Variants in ADNP observed in about 807,000 individuals in gnomAD.
ADNP encodes the protein activity dependent neuroprotector homeobox.
A neutral mutation model predicts 84.9 loss-of-function variants in ADNP; 4 were observed. That is an observed-to-expected ratio of 0.05 (90% CI 0.02 to 0.11). The LOEUF (loss-of-function observed/expected upper bound fraction) is 0.11. Among genes scored for constraint, ADNP ranks in the 10% least tolerant of loss-of-function variants. The pLI is 1.00. For missense variants in ADNP, 1,132 were observed against 1,326.0 expected (o/e 0.85, Z 2.27); for synonymous variants, 554 against 468.1 (o/e 1.18, Z -2.37).
chr20:50,900,650 T>G (rs1050589530), intron 5 of ADNP, among the ~76,000 whole-genome samples: 4 of 152,240 alleles, frequency 2.6e-5, no homozygotes, highest in African/African-American at 9.6e-5. Flanking sequence ...CGTTATGTGG[T>G]GAATGACTGC....
intron 5 of ADNP, among the ~76,000 whole-genome samples, chr20:50,900,720 A>G (rs567527421): frequency 5.9e-5 from 9 of 152,180 alleles, no homozygotes; most frequent in South Asian, 4.1e-4. Flanking sequence ...AGATAAAGCT[A>G]TATCTTTTAT....
At chr20:50,903,597 C>T (rs1285602563) in intron 4 of ADNP, among the ~76,000 whole-genome samples, 5 of 152,172 alleles carry the variant, frequency 3.3e-5, no homozygotes, top group African/African-American at 1.2e-4. Flanking sequence ...CACTGCCTCC[C>T]GCCTCCATGG....
intron 5 of ADNP, among the ~76,000 whole-genome samples, chr20:50,897,685 T>A (rs1981550167): frequency 6.6e-6 from 1 of 152,184 alleles, no homozygotes; most frequent in Non-Finnish European, 1.5e-5. Context: ...ACAAAGGCCT[T>A]TCTCAGATAG....
intron 2 of ADNP, among the ~76,000 whole-genome samples, chr20:50,906,709 C>A (rs1218057627): frequency 2.6e-5 from 4 of 152,280 alleles, no homozygotes; most frequent in Non-Finnish European, 5.9e-5. Flanking sequence ...CATCTCACTG[C>A]CTGGTAGGTA....
rs1224775055 is a variant in ADNP at position 50,890,115 on chromosome 20, GTGTT to G, written c.*1286_*1289del. The G allele has an allele frequency of 3.3e-4, 61 of 182,276 alleles. No homozygotes were observed. The highest frequency in any genetic ancestry group is 8.9e-4 in the African/African-American group (33 of 37,016). 11.3% of individuals were successfully genotyped at this position (182,276 alleles called of 1,614,324 possible). A position where few individuals can be genotyped will look rare whatever the true frequency, so the allele number is the denominator to read the frequency against. On this transcript the variant is annotated 3_prime_UTR_variant, in exon 6 of 6. Transcript: ENST00000621696. ...AAAAGGTGAACTGAAAAACTCAAGG[GTGTT>G]TGTTTTTCAGTTAAAAAAAAAAAAA...
At chr20:50,926,757 T>C (rs1231520989) in intron 2 of ADNP, among the ~76,000 whole-genome samples, 1 of 152,202 alleles carries the variant, frequency 6.6e-6, no homozygotes, top group East Asian at 1.9e-4. Context: ...ATTTATGCAG[T>C]TTTGTTACTT....
chr20:50,913,553 A>G (rs1436007435), intron 2 of ADNP, among the ~76,000 whole-genome samples: 1 of 152,216 alleles, frequency 6.6e-6, no homozygotes, highest in Admixed American at 6.5e-5. Context: ...GCAATTTTCT[A>G]AGAGGGACAA....
In ADNP at chr20:50,899,299, C is replaced by T. The variant is rs527846981; in HGVS notation, c.201+2718G>A. ...GCAACCTCCACCTCCCAGGTTCAAGCGATTCTCCTGCCTTCCCCGCTCCCA... is the reference window on the plus strand; with the variant it reads ...GCAACCTCCACCTCCCAGGTTCAAGTGATTCTCCTGCCTTCCCCGCTCCCA... On this transcript the variant is annotated intron_variant, in intron 5 of 5. Coordinates refer to ENST00000621696, the MANE Select transcript of ADNP (RefSeq NM_001282531.3). Among the ~76,000 whole-genome samples, 5 of 151,710 alleles carry T rather than the reference C, an allele frequency of 3.3e-5. No individual in the cohort carries two copies. The East Asian group carries it at 5.8e-4, about 18-fold the overall frequency.
chr20:50,893,610 C>G lies in ADNP; in HGVS notation c.1104G>C (p.Gln368His). 1 of 1,614,168 alleles carries G rather than the reference C, an allele frequency of 6.2e-7. No homozygotes were observed. The highest frequency in any genetic ancestry group is 8.5e-7 in the Non-Finnish European group (1 of 1,180,044). Residue 368 changes from glutamine to histidine, a missense_variant, in exon 6 of 6, where the codon CAG becomes CAC. Gln to His is a conservative substitution (Grantham distance 24, BLOSUM62 0). Around this residue, in one of 10 missense-constraint regions of ADNP, gnomAD observed 239 missense variants for 213.2 expected, o/e 1.12. Transcript: ENST00000621696. This position sits in a 1 kb window ranked among gnomAD's most constrained non-coding sequence, Gnocchi z 4.4. The stretch of plus-strand genomic sequence containing the variant: ...ACCTTCCGTTTCCACTTGGAAGTAA[C>G]TGCTTTACAGACTGAGATTGTTGAG... ...SIPQQSQSVKQLLPSGNGRSY... is the reference protein window; with the variant it reads ...SIPQQSQSVKHLLPSGNGRSY...
At chr20:50,906,668 T>G (rs962034976) in intron 2 of ADNP, among the ~76,000 whole-genome samples, 1 of 152,220 alleles carries the variant, frequency 6.6e-6, no homozygotes, top group Non-Finnish European at 1.5e-5. Flanking sequence ...ACCCACAGCT[T>G]AAAAAGTCGG....
intron 2 of ADNP, among the ~76,000 whole-genome samples, chr20:50,925,263 T>TACAC (rs57985341): frequency 0.12 from 17,356 of 148,998 alleles, 1,435 homozygotes; most frequent in East Asian, 0.25. Context: ...TGACTTCCTA[T>TACAC]ACACACACAC....
At chr20:50,903,362 G>C (rs913003006) in intron 4 of ADNP, among the ~76,000 whole-genome samples, 2 of 152,220 alleles carry the variant, frequency 1.3e-5, no homozygotes, top group Non-Finnish European at 2.9e-5. Context: ...GAAAGTAATA[G>C]TCTATGATGG....
intron 2 of ADNP, among the ~76,000 whole-genome samples, chr20:50,925,987 A>G (rs1005727605): frequency 1.3e-5 from 2 of 152,108 alleles, no homozygotes; most frequent in South Asian, 4.1e-4. Flanking sequence ...TGTAATCCCA[A>G]CCACTCAGAG....
chr20:50,919,305 A>ATATATATATATATATATATATATATG (rs1168718295), intron 2 of ADNP, among the ~76,000 whole-genome samples: 13 of 136,876 alleles, frequency 9.5e-5, no homozygotes, highest in African/African-American at 4.0e-4. Flanking sequence ...ATATATATAT[A>ATATATATATATATATATATATATATG]TATATATATA....
In ADNP at chr20:50,892,582, C is replaced by T; in HGVS notation, c.2132G>A (p.Ser711Asn). Reference sequence around the variant, plus strand: ...GTAAGTGCGCTTCACAGGTGCCAGACTTGGAGACTGATTAAGCCGAGAGGG... The same window carrying T: ...GTAAGTGCGCTTCACAGGTGCCAGATTTGGAGACTGATTAAGCCGAGAGGG... ...NAPSRLNQSP[S>N]LAPVKRTYEQ... is the part of the protein sequence containing the mutation. The change falls in exon 6 of 6, where the codon AGT becomes AAT. Residue 711 changes from serine (S) to asparagine (N), a missense_variant. This residue lies in a region of ADNP where 101 missense variants were observed against 78.5 expected (regional missense o/e 1.29). Transcript: ENST00000621696. 6.2e-7 allele frequency: 1 copy of T among 1,614,204 alleles called. No homozygotes were observed. Among genetic ancestry groups the T allele is most frequent in the South Asian group, 1.1e-5 (1 of 91,090 alleles).
In ADNP at chr20:50,901,874, G is replaced by C. The variant is rs928395121; in HGVS notation, c.201+143C>G. ...AAAGTTTTTCTTAGTCTTCCCACTG[G>C]TCAGGAAAATATGAAATGCAATTTT... On this transcript the variant is annotated intron_variant, in intron 5 of 5. Coordinates refer to ENST00000621696, the MANE Select transcript of ADNP (RefSeq NM_001282531.3). The C allele has an allele frequency of 4.0e-6, 3 of 749,870 alleles. No individual in the cohort carries two copies. The African/African-American group carries it at 5.3e-5, about 13-fold the overall frequency. 46.5% of individuals were successfully genotyped at this position (749,870 alleles called of 1,614,324 possible).
intron 2 of ADNP, among the ~76,000 whole-genome samples, chr20:50,909,277 C>T (rs1472033267): frequency 1.4e-5 from 2 of 139,816 alleles, no homozygotes; most frequent in Non-Finnish European, 3.0e-5. Context: ...GCAGGAGAAT[C>T]GCTTGAACTC....
chr20:50,901,958 G>T, intron 5 of ADNP, 59 bp downstream of exon 5: 3 of 1,272,802 alleles, frequency 2.4e-6, no homozygotes, highest in Non-Finnish European at 3.4e-6. Context: ...AAGGCCTAGA[G>T]CTGAAAAGGG....
chr20:50,896,220 G>A lies in ADNP; in HGVS notation c.202-1708C>T, dbSNP rs371873296. On this transcript the variant is annotated intron_variant, in intron 5 of 5. Transcript: ENST00000621696. ...AGCCTGGGCAACACAGCGAGACTCC[G>A]TCTCAGAAACAAACAAAAACCCCCA... 4.0e-3 allele frequency among the ~76,000 whole-genome samples: 607 copies of A among 152,092 alleles called. 2 individuals are homozygous for A. The highest frequency in any genetic ancestry group is 6.9e-3 in the Non-Finnish European group (471 of 68,004).
Sources: allele counts gnomAD v4.1 joint callset (sites outside exome capture counted in the v4.1 genomes callset), GRCh38; gene constraint gnomAD v4.1.1; regional missense constraint gnomAD v4.1.1; non-coding constraint Gnocchi (gnomAD v3.1); transcripts MANE v1.5; gene names NCBI Gene and HGNC (gene_info 2026-07-23, HGNC 2026-07-21).